TBX18: variants seen among roughly 807,000 people sequenced by gnomAD.
TBX18 encodes the protein T-box transcription factor 18, also known as T-box transcription factor TBX18.
TBX18 carries 21 observed loss-of-function variants against 55.0 expected under a neutral mutation model. The observed-to-expected ratio is 0.38, with a 90% CI of 0.27 to 0.55. TBX18 has a LOEUF of 0.55. Ranked by LOEUF, TBX18 falls within the 20% of genes least tolerant of loss-of-function variation. The probability of loss-of-function intolerance (pLI) is 0.73; values close to 1 mark genes in which losing one functional copy is unlikely to be tolerated. For missense variants in TBX18, 840 were observed against 799.6 expected, an observed-to-expected ratio of 1.05 and a Z score of -0.61; for synonymous variants, 342 against 326.1, an observed-to-expected ratio of 1.05 and a Z score of -0.53.
At chr6:84,753,398 C>T (rs1040430347) in intron 4 of TBX18, among the ~76,000 whole-genome samples, 2 of 150,722 alleles carry the variant, frequency 1.3e-5, no homozygotes, top group African/African-American at 2.4e-5. Context: ...ATGCTGCACA[C>T]TTGCACAGAC....
chr6:84,739,792 A>C (rs1438517373), intron 6 of TBX18, among the ~76,000 whole-genome samples: 2 of 152,226 alleles, frequency 1.3e-5, no homozygotes, highest in Non-Finnish European at 2.9e-5. Context: ...AAAGCTCTCT[A>C]AACACCAGAG....
In TBX18 at chr6:84,764,132, G is replaced by A. The variant is rs1380092880; in HGVS notation, c.50C>T (p.Ala17Val). Reference sequence around the variant, plus strand: ...CAGCGCCTCCACCGAGAAAGCGTGCGCCTTGAGGCTTAGCATGCTGCACGG... The same window carrying A: ...CAGCGCCTCCACCGAGAAAGCGTGCACCTTGAGGCTTAGCATGCTGCACGG... ...GSPCSMLSLK[A>V]HAFSVEALIG... Residue 17 changes from alanine to valine, a missense_variant, in exon 1 of 8, where the codon GCG (alanine) becomes GTG (valine). Ala to Val is a moderately conservative substitution (Grantham distance 64, BLOSUM62 0). Coordinates refer to ENST00000369663, the MANE Select transcript of TBX18 (RefSeq NM_001080508.3). 3.2e-6 allele frequency: 5 copies of A among 1,574,982 alleles called. No individual in the cohort carries two copies. Among genetic ancestry groups the A allele is most frequent in the Non-Finnish European group, 3.4e-6 (4 of 1,170,026 alleles).
chr6:84,756,567 A>G (rs1434266266), intron 4 of TBX18, 131 bp downstream of exon 4: 2 of 849,992 alleles, frequency 2.4e-6, no homozygotes, highest in Non-Finnish European at 3.5e-6. Flanking sequence ...TTGATTCTGC[A>G]AAGACAGTGT....
At chr6:84,746,242 G>T (rs1322020617) in intron 5 of TBX18, among the ~76,000 whole-genome samples, 2 of 151,884 alleles carry the variant, frequency 1.3e-5, no homozygotes, top group Non-Finnish European at 2.9e-5. Context: ...GAGACAAAAA[G>T]AGAGGAAGAG....
intron 6 of TBX18, among the ~76,000 whole-genome samples, chr6:84,743,048 A>C (rs1156260783): frequency 1.3e-5 from 2 of 152,214 alleles, no homozygotes; most frequent in Non-Finnish European, 2.9e-5. Context: ...ACATTTAAAA[A>C]ACAAAATAAT....
In TBX18 at chr6:84,744,244, T is replaced by C; in HGVS notation, c.1004+17A>G. On this transcript the variant is annotated intron_variant, in intron 6 of 7. Transcript: ENST00000369663. ...AATATATTTATCATAACCGGAATGGTCTTCACTAAGGCCCACCTGTTGCGC... is the reference window on the plus strand; with the variant it reads ...AATATATTTATCATAACCGGAATGGCCTTCACTAAGGCCCACCTGTTGCGC... The C allele has an allele frequency of 6.2e-7, 1 of 1,605,210 alleles. No homozygotes were observed. Among genetic ancestry groups the C allele is most frequent in the Non-Finnish European group, 8.5e-7 (1 of 1,174,760 alleles).
chr6:84,738,645 T>C, intron 6 of TBX18, 54 bp from the exon 7 acceptor site: 3 of 1,349,138 alleles, frequency 2.2e-6, no homozygotes, highest in Non-Finnish European at 3.2e-6. Flanking sequence ...GTTAGGAGCA[T>C]TTGGATCTTT....
At chr6:84,752,396 C>A (rs1386393499) in intron 4 of TBX18, among the ~76,000 whole-genome samples, 1 of 152,148 alleles carries the variant, frequency 6.6e-6, no homozygotes, top group Non-Finnish European at 1.5e-5. Context: ...AAACCTTGCT[C>A]CCTACATTTT....
At chr6:84,738,244 C>T (rs971157482) in intron 7 of TBX18, among the ~76,000 whole-genome samples, 6 of 152,142 alleles carry the variant, frequency 3.9e-5, no homozygotes, top group Non-Finnish European at 7.4e-5. Flanking sequence ...AATTTTAATA[C>T]GAGATTTAAG....
At chr6:84,753,786 C>T (rs1325504714) in intron 4 of TBX18, among the ~76,000 whole-genome samples, 1 of 152,168 alleles carries the variant, frequency 6.6e-6, no homozygotes, top group Admixed American at 6.5e-5. Context: ...CTTCATAAAG[C>T]CTTTCCCATC....
chr6:84,757,835 A>G (rs1286233854), intron 3 of TBX18, among the ~76,000 whole-genome samples: 1 of 152,034 alleles, frequency 6.6e-6, no homozygotes, highest in Non-Finnish European at 1.5e-5. Context: ...AAAATTATAA[A>G]ATAAAATTAT....
intron 7 of TBX18, among the ~76,000 whole-genome samples, chr6:84,738,118 C>A (rs111987667): frequency 1.3e-5 from 2 of 152,066 alleles, no homozygotes; most frequent in Non-Finnish European, 2.9e-5. Flanking sequence ...AACAGGAGAA[C>A]CCTACCCAGA....
chr6:84,762,930 G>A (rs1767695477), intron 1 of TBX18, 182 bp from the exon 2 acceptor site: 2 of 633,048 alleles, frequency 3.2e-6, no homozygotes, highest in Non-Finnish European at 5.5e-6. Context: ...TCTGCCTGTC[G>A]AAGGGGCGCA....
At chr6:84,738,974 T>G (rs1308274899) in intron 6 of TBX18, among the ~76,000 whole-genome samples, 1 of 152,158 alleles carries the variant, frequency 6.6e-6, no homozygotes, top group Non-Finnish European at 1.5e-5. Context: ...CTTCTCCCTC[T>G]AAGTGAGGAA....
intron 4 of TBX18, among the ~76,000 whole-genome samples, chr6:84,756,070 T>C (rs955465456): frequency 6.6e-6 from 1 of 152,226 alleles, no homozygotes; most frequent in African/African-American, 2.4e-5. Flanking sequence ...TTTATTAAAA[T>C]AATAGTGTAG....
In TBX18 at chr6:84,734,911, T is replaced by C. The variant is rs1372407741; in HGVS notation, c.*1774A>G. 1 of 152,246 alleles carries C rather than the reference T, an allele frequency of 6.6e-6. No homozygotes were observed. The highest frequency in any genetic ancestry group is 2.4e-5 in the African/African-American group (1 of 41,464). 9.4% of individuals were successfully genotyped at this position (152,246 alleles called of 1,614,324 possible). ...AATATTTCATGTCCCTTCATGCTAG[T>C]TTTAAATTTAAAAATTTAATACTAA... On this transcript the variant is annotated 3_prime_UTR_variant, in exon 8 of 8. Transcript: ENST00000369663.
rs969111037 is a variant in TBX18 at position 84,736,846 on chromosome 6, A to G, written c.1663T>C (p.Leu555=). The part of the protein sequence containing the change: ...EKIVSSQGSF[L]GSSPSGTMTD... Reference sequence around the variant, plus strand: ...ATGGTCCCACTCGGTGAGGACCCCAAGAAACTTCCTTGGGAAGAAACAATT... The same window carrying G: ...ATGGTCCCACTCGGTGAGGACCCCAGGAAACTTCCTTGGGAAGAAACAATT... The change falls in exon 8 of 8, where the codon TTG becomes CTG. Residue 555 remains leucine, a synonymous_variant. Coordinates refer to ENST00000369663, the MANE Select transcript of TBX18 (RefSeq NM_001080508.3). 38 of 1,613,508 alleles carry G rather than the reference A, an allele frequency of 2.4e-5. No individual in the cohort carries two copies. Among genetic ancestry groups the G allele is most frequent in the Non-Finnish European group, 3.0e-5 (35 of 1,179,894 alleles).
intron 6 of TBX18, chr6:84,740,987 T>C (rs754429832): frequency 2.0e-5 from 3 of 152,198 alleles, no homozygotes; most frequent in Non-Finnish European, 4.4e-5. Context: ...ATCACAAATA[T>C]ATAACCCTAA....
Position 84,739,204 on chromosome 6 carries a change from A to G in TBX18, c.1005-613T>C, listed in dbSNP as rs1010951869. Among the ~76,000 whole-genome samples the G allele has an allele frequency of 2.6e-5, 4 of 151,870 alleles. No individual in the cohort carries two copies. In the East Asian group the frequency reaches 5.8e-4, roughly 22 times the overall value. On this transcript the variant is annotated intron_variant, in intron 6 of 7. Transcript: ENST00000369663. The stretch of plus-strand genomic sequence containing the variant: ...AGAAACAGCACTGGCCTCTCCCTGC[A>G]GTGTGTGGGAGGAGAGCAGGAAGGT...
Sources: gnomAD v4.1 joint callset for allele counts (sites outside exome capture counted in the v4.1 genomes callset) on GRCh38, gnomAD v4.1.1 for gene constraint, MANE v1.5 for transcripts, NCBI Gene and HGNC (gene_info 2026-07-23, HGNC 2026-07-21) for gene names.